GRAMD2B: variants seen among roughly 807,000 people sequenced by gnomAD.
The protein encoded by GRAMD2B is GRAM domain containing 2B, also known as GRAM domain-containing protein 2B.
GRAMD2B carries 41 observed loss-of-function variants against 59.2 expected under a neutral mutation model. The observed-to-expected ratio is 0.69, with a 90% CI of 0.54 to 0.90. The LOEUF (loss-of-function observed/expected upper bound fraction) is 0.90. Among genes scored for constraint, GRAMD2B ranks in the 40% least tolerant of loss-of-function variants. The probability of loss-of-function intolerance (pLI) is 0.00; values close to 1 mark genes in which losing one functional copy is unlikely to be tolerated. For synonymous variants in GRAMD2B, 161 were observed against 182.7 expected, an observed-to-expected ratio of 0.88 and a Z score of 0.96; for missense variants, 424 against 500.5, an observed-to-expected ratio of 0.85 and a Z score of 1.46.
chr5:126,489,720 CT>C (rs1383378244), intron 13 of GRAMD2B, among the ~76,000 whole-genome samples: 1 of 152,138 alleles, frequency 6.6e-6, no homozygotes, highest in Non-Finnish European at 1.5e-5. Context: ...AGAAATAAAC[CT>C]GATTTACATG....
intron 13 of GRAMD2B, among the ~76,000 whole-genome samples, chr5:126,491,080 A>G (rs146397363): frequency 6.6e-6 from 1 of 152,102 alleles, no homozygotes; most frequent in Admixed American, 6.6e-5. Context: ...ATTATTACTG[A>G]GGCTGAACAT....
chr5:126,398,268 A>G (rs374487388), intron 1 of GRAMD2B, among the ~76,000 whole-genome samples: 2 of 151,660 alleles, frequency 1.3e-5, no homozygotes, highest in Non-Finnish European at 2.9e-5. Context: ...CAATCCTCCC[A>G]TCTCAGTGGA....
At chr5:126,413,564 T>C (rs1455147713) in intron 1 of GRAMD2B, among the ~76,000 whole-genome samples, 1 of 152,074 alleles carries the variant, frequency 6.6e-6, no homozygotes, top group East Asian at 1.9e-4. Flanking sequence ...CAGATGAGAA[T>C]ATATATTCTG....
chr5:126,374,191 C>T (rs569740403), intron 1 of GRAMD2B, among the ~76,000 whole-genome samples: 4 of 152,266 alleles, frequency 2.6e-5, no homozygotes, highest in African/African-American at 4.8e-5. Flanking sequence ...GTGTCATTTG[C>T]GCTACCACCA....
At chr5:126,417,793 T>C (rs1179765028) in intron 1 of GRAMD2B, among the ~76,000 whole-genome samples, 1 of 152,188 alleles carries the variant, frequency 6.6e-6, no homozygotes, top group Non-Finnish European at 1.5e-5. Flanking sequence ...TCCTACAAGA[T>C]ATGTGTCTTT....
intron 1 of GRAMD2B, among the ~76,000 whole-genome samples, chr5:126,453,797 C>T (rs879353569): frequency 2.0e-5 from 3 of 152,178 alleles, no homozygotes; most frequent in Admixed American, 1.3e-4. Flanking sequence ...TGGCCTTTTT[C>T]TCTTGCTCCC....
chr5:126,462,308 C>A (rs1476605110), intron 1 of GRAMD2B: 1 of 423,532 alleles, frequency 2.4e-6, no homozygotes, highest in Non-Finnish European at 3.2e-6. Flanking sequence ...GCTTCATTGA[C>A]AGTAACTTAA....
At chr5:126,424,158 A>G (rs1349332082) in intron 1 of GRAMD2B, among the ~76,000 whole-genome samples, 1 of 152,216 alleles carries the variant, frequency 6.6e-6, no homozygotes, top group Non-Finnish European at 1.5e-5. Context: ...GGAGGCACAA[A>G]TGAATATTAC....
At chr5:126,473,128 T>C in intron 4 of GRAMD2B, 137 bp from the exon 5 acceptor site, 1 of 403,584 alleles carries the variant, frequency 2.5e-6, no homozygotes, top group Non-Finnish European at 4.5e-6. Context: ...TCCATAAAGA[T>C]GACAGAAGAA....
chr5:126,418,096 G>T (rs903744402), intron 1 of GRAMD2B, among the ~76,000 whole-genome samples: 1 of 152,134 alleles, frequency 6.6e-6, no homozygotes, highest in African/African-American at 2.4e-5. Flanking sequence ...TGAAATAGCA[G>T]CAGGAAATAG....
At chr5:126,487,006 G>C in intron 12 of GRAMD2B, 29 bp downstream of exon 12, 1 of 1,206,272 alleles carries the variant, frequency 8.3e-7, no homozygotes, top group Non-Finnish European at 1.2e-6. Flanking sequence ...GCTGTCATCT[G>C]CTTGCCATTC....
At chr5:126,371,412 G>A in exon 1 of GRAMD2B, 1 of 1,272,690 alleles carries the variant, frequency 7.9e-7, no homozygotes, top group Non-Finnish European at 1.0e-6. Flanking sequence ...TTTTAAGGTT[G>A]TTCCTTGACT....
At chr5:126,486,479 G>A (rs539036584) in intron 11 of GRAMD2B, among the ~76,000 whole-genome samples, 19 of 152,140 alleles carry the variant, frequency 1.2e-4, no homozygotes, top group Admixed American at 3.3e-4. Flanking sequence ...CCCAACCAAG[G>A]AAAATATGCC....
chr5:126,401,331 T>C (rs1295094768), intron 1 of GRAMD2B, among the ~76,000 whole-genome samples: 1 of 152,078 alleles, frequency 6.6e-6, no homozygotes, highest in Non-Finnish European at 1.5e-5. Context: ...TCTGATTTTG[T>C]TCATGTATTG....
rs761164175 is a variant in GRAMD2B at position 126,473,273 on chromosome 5, T to A, written c.391T>A (p.Cys131Ser). Residue 131 changes from cysteine (C) to serine (S), a missense_variant, in exon 5 of 14, where the codon TGT (cysteine) becomes AGT (serine). Coordinates refer to ENST00000285689, the MANE Select transcript of GRAMD2B (RefSeq NM_023927.4). ...TGTGTATATTTTCCCAGGCTTTACC[T>A]GTGCTCTACAGAAAGAAATACTATA... is the stretch of plus-strand genomic sequence containing the variant. ...TEEPLKQSFT[C>S]ALQKEILYQG... 3 of 1,376,486 alleles carry A rather than the reference T, an allele frequency of 2.2e-6. No individual in the cohort carries two copies. Among genetic ancestry groups the A allele is most frequent in the Non-Finnish European group, 3.0e-6 (3 of 1,014,202 alleles). The allele number at this position is 1,376,486 out of a possible 1,614,324, so 85.3% of individuals were successfully genotyped here. A position where few individuals can be genotyped will look rare whatever the true frequency, so the allele number is the denominator to read the frequency against.
At chr5:126,421,836 G>A (rs140995567), upstream of GRAMD2B, among the ~76,000 whole-genome samples, 2 of 152,236 alleles carry the variant, frequency 1.3e-5, no homozygotes, top group African/African-American at 2.4e-5. Context: ...ATACATACAT[G>A]TACATACTAT....
chr5:126,492,695 TGG>T (rs1774166240), intron 13 of GRAMD2B, among the ~76,000 whole-genome samples: 1 of 152,166 alleles, frequency 6.6e-6, no homozygotes, highest in Non-Finnish European at 1.5e-5. Flanking sequence ...CATTCCAGCC[TGG>T]GTGACAGAGC....
At chr5:126,407,676 T>C (rs1561486428) in intron 1 of GRAMD2B, among the ~76,000 whole-genome samples, 1 of 152,026 alleles carries the variant, frequency 6.6e-6, no homozygotes, top group Non-Finnish European at 1.5e-5. Context: ...CTTGTATATC[T>C]TTAGTAACTT....
At chr5:126,361,557 A>G (rs1475985219) in intron 1 of GRAMD2B, among the ~76,000 whole-genome samples, 6 of 152,042 alleles carry the variant, frequency 3.9e-5, no homozygotes, top group Non-Finnish European at 7.4e-5. Flanking sequence ...TTCTATATGT[A>G]AAATGCCAGG....
Sources: gnomAD v4.1 joint callset for allele counts (sites outside exome capture counted in the v4.1 genomes callset) on GRCh38, gnomAD v4.1.1 for gene constraint, MANE v1.5 for transcripts, NCBI Gene and HGNC (gene_info 2026-07-23, HGNC 2026-07-21) for gene names.